DDX10: variants seen among roughly 807,000 people sequenced by gnomAD.
The protein encoded by DDX10 is probable ATP-dependent RNA helicase DDX10.
DDX10 carries 74 observed loss-of-function variants against 104.3 expected under a neutral mutation model. The observed-to-expected ratio is 0.71, with a 90% CI of 0.59 to 0.86. The LOEUF is 0.86. Among genes scored for constraint, DDX10 ranks in the 40% least tolerant of loss-of-function variants. DDX10 has a pLI of 0.00. For missense variants in DDX10, 952 were observed against 1,040.0 expected, an observed-to-expected ratio of 0.92 and a Z score of 1.16; for synonymous variants, 351 against 353.4, an observed-to-expected ratio of 0.99 and a Z score of 0.08.
chr11:108,731,829 A>T (rs963274922), intron 13 of DDX10, among the ~76,000 whole-genome samples: 4 of 152,190 alleles, frequency 2.6e-5, no homozygotes. Flanking sequence ...AGAAAAATCA[A>T]ATCATACATA....
chr11:108,714,998 G>T (rs2094289404), intron 10 of DDX10, among the ~76,000 whole-genome samples: 1 of 128,894 alleles, frequency 7.8e-6, no homozygotes, highest in Non-Finnish European at 1.7e-5. Flanking sequence ...GAAACAACGT[G>T]GTTCAGCCTA....
At chr11:108,766,650 A>G (rs980000568) in intron 13 of DDX10, among the ~76,000 whole-genome samples, 4 of 152,210 alleles carry the variant, frequency 2.6e-5, no homozygotes, top group Non-Finnish European at 4.4e-5. Context: ...TATGGAGGAA[A>G]TTGTAGTTTA....
At chr11:108,719,024 G>C (rs1254661104) in intron 11 of DDX10, among the ~76,000 whole-genome samples, 1 of 149,504 alleles carries the variant, frequency 6.7e-6, no homozygotes, top group Non-Finnish European at 1.5e-5. Flanking sequence ...GATGAGTTTT[G>C]TTATCTGTGT....
chr11:108,906,738 C>T (rs750504282), intron 16 of DDX10, among the ~76,000 whole-genome samples: 1 of 152,058 alleles, frequency 6.6e-6, no homozygotes, highest in Non-Finnish European at 1.5e-5. Context: ...ATAAGATGCA[C>T]CATTATTTAA....
intron 13 of DDX10, among the ~76,000 whole-genome samples, chr11:108,763,731 A>G (rs191126488): frequency 1.6e-4 from 24 of 152,308 alleles, no homozygotes; most frequent in Admixed American, 9.2e-4. Context: ...TGCTATTTTA[A>G]TTGGGGATTA....
chr11:108,925,584 G>A (rs999260460), intron 17 of DDX10, among the ~76,000 whole-genome samples: 1 of 152,156 alleles, frequency 6.6e-6, no homozygotes, highest in African/African-American at 2.4e-5. Context: ...CATTCACATA[G>A]AATGCACTCA....
At chr11:108,682,896 A>G (rs962406291) in intron 6 of DDX10, among the ~76,000 whole-genome samples, 1 of 151,990 alleles carries the variant, frequency 6.6e-6, no homozygotes, top group Admixed American at 6.6e-5. Context: ...TTCCTCTTCA[A>G]AGACATCTTT....
chr11:108,726,250 G>C (rs1329141374), intron 13 of DDX10, among the ~76,000 whole-genome samples: 1 of 152,026 alleles, frequency 6.6e-6, no homozygotes, highest in East Asian at 1.9e-4. Context: ...TTTTGAATCA[G>C]CTAGTTACTT....
rs778414540 is a variant in DDX10 at position 108,723,084 on chromosome 11, C to T, written c.1587C>T (p.Ala529=). 30 of 1,613,626 alleles carry T rather than the reference C, an allele frequency of 1.9e-5. No individual in the cohort carries two copies. In the South Asian group the frequency reaches 1.9e-4, roughly 10 times the overall value. The change falls in exon 13 of 18, where the codon GCC becomes GCT. Residue 529 remains alanine (A), a synonymous_variant. Coordinates refer to ENST00000322536, the MANE Select transcript of DDX10 (RefSeq NM_004398.4). The stretch of plus-strand genomic sequence containing the variant: ...CCAAAGAATTGGTAAGGAGCCAAGC[C>T]GATAAAGTAATTGAGCCAAGGGCTC... ...QPTKELVRSQ[A]DKVIEPRAPS...
At chr11:108,688,078 T>TATCA (rs2094247172) in intron 6 of DDX10, among the ~76,000 whole-genome samples, 4 of 152,210 alleles carry the variant, frequency 2.6e-5, no homozygotes, top group Non-Finnish European at 5.9e-5. Context: ...TGCATAATAA[T>TATCA]TAATGTATGT....
At chr11:108,906,176 T>C (rs1863594516) in intron 16 of DDX10, among the ~76,000 whole-genome samples, 1 of 152,208 alleles carries the variant, frequency 6.6e-6, no homozygotes, top group African/African-American at 2.4e-5. Flanking sequence ...TTATTTACCT[T>C]CCTCAAAAAC....
chr11:108,737,738 C>G (rs1272962051), intron 13 of DDX10, among the ~76,000 whole-genome samples: 1 of 152,138 alleles, frequency 6.6e-6, no homozygotes, highest in Non-Finnish European at 1.5e-5. Context: ...GGTCTATTCT[C>G]TCTCCACCTC....
At chr11:108,788,934 G>T (rs1390196483) in intron 13 of DDX10, among the ~76,000 whole-genome samples, 1 of 152,136 alleles carries the variant, frequency 6.6e-6, no homozygotes, top group Admixed American at 6.5e-5. Flanking sequence ...CTGGCTCCAT[G>T]CCCACATTTC....
At chr11:108,865,621 C>A (rs987231334) in intron 16 of DDX10, among the ~76,000 whole-genome samples, 1 of 151,882 alleles carries the variant, frequency 6.6e-6, no homozygotes, top group Non-Finnish European at 1.5e-5. Flanking sequence ...ATTGGTGAAT[C>A]ATAGAGGATC....
At chr11:108,936,022 G>T (rs1275322385) in intron 17 of DDX10, among the ~76,000 whole-genome samples, 1 of 152,106 alleles carries the variant, frequency 6.6e-6, no homozygotes, top group African/African-American at 2.4e-5. Context: ...CCACAACTTA[G>T]TCTTTGCCAC....
At chr11:108,685,832 A>G (rs1252267507) in intron 6 of DDX10, among the ~76,000 whole-genome samples, 1 of 152,208 alleles carries the variant, frequency 6.6e-6, no homozygotes, top group East Asian at 1.9e-4. Context: ...TTTCAGGATA[A>G]TACCAATATT....
intron 6 of DDX10, among the ~76,000 whole-genome samples, chr11:108,686,280 T>A (rs978553380): frequency 5.3e-5 from 8 of 152,220 alleles, no homozygotes; most frequent in Admixed American, 5.2e-4. Flanking sequence ...ACTTTAGGGT[T>A]CACTCTTGGT....
chr11:108,886,553 A>T (rs1217863649), intron 16 of DDX10, among the ~76,000 whole-genome samples: 1 of 152,148 alleles, frequency 6.6e-6, no homozygotes. Context: ...GGCCTTTTGA[A>T]TTTTGCCGTT....
At chr11:108,895,858 T>C (rs903426853) in intron 16 of DDX10, among the ~76,000 whole-genome samples, 1 of 152,132 alleles carries the variant, frequency 6.6e-6, no homozygotes, top group Non-Finnish European at 1.5e-5. Flanking sequence ...TGAAAAGTTA[T>C]CAGCCTGCTG....
Sources: gnomAD v4.1 joint callset for allele counts (sites outside exome capture counted in the v4.1 genomes callset) on GRCh38, gnomAD v4.1.1 for gene constraint, MANE v1.5 for transcripts, NCBI Gene and HGNC (gene_info 2026-07-23, HGNC 2026-07-21) for gene names.